PLCL1: variants seen among roughly 807,000 people sequenced by gnomAD.
The protein encoded by PLCL1 is inactive phospholipase C-like protein 1.
Under a neutral mutation model 84.4 loss-of-function variants are expected in PLCL1, and 41 were observed. The observed-to-expected ratio is 0.49, with a 90% CI of 0.38 to 0.63. The LOEUF (loss-of-function observed/expected upper bound fraction) is 0.63. Ranked by LOEUF, PLCL1 falls within the 30% of genes least tolerant of loss-of-function variation. PLCL1 has a pLI of 0.00. For synonymous variants in PLCL1, 490 were observed against 488.3 expected (o/e 1.00, Z -0.05); for missense variants, 1,206 against 1,367.8 (o/e 0.88, Z 1.87).
At chr2:197,815,062 G>A (rs1436385202) in intron 1 of PLCL1, among the ~76,000 whole-genome samples, 1 of 151,912 alleles carries the variant, frequency 6.6e-6, no homozygotes, top group Non-Finnish European at 1.5e-5. Context: ...AGAGATTATC[G>A]ATGAAGCCGG....
chr2:197,826,506 C>T (rs1014952815), intron 1 of PLCL1, among the ~76,000 whole-genome samples: 13 of 152,026 alleles, frequency 8.6e-5, no homozygotes, highest in African/African-American at 2.9e-4. Context: ...CTTAATATCT[C>T]TGTTGTGGAT....
At chr2:197,921,045 A>G (rs1287502099) in intron 1 of PLCL1, among the ~76,000 whole-genome samples, 1 of 152,240 alleles carries the variant, frequency 6.6e-6, no homozygotes, top group African/African-American at 2.4e-5. Context: ...GTAGCCTATT[A>G]CACACCTAGG....
At chr2:198,063,674 G>A (rs1298382192) in intron 1 of PLCL1, among the ~76,000 whole-genome samples, 1 of 152,142 alleles carries the variant, frequency 6.6e-6, no homozygotes, top group Admixed American at 6.5e-5. Flanking sequence ...TTACACACAT[G>A]ACTAATGACA....
chr2:198,030,174 C>T (rs1691377584), intron 1 of PLCL1, among the ~76,000 whole-genome samples: 1 of 152,026 alleles, frequency 6.6e-6, no homozygotes, highest in Non-Finnish European at 1.5e-5. Flanking sequence ...TCACCCTCCA[C>T]CCTCCAGTAG....
At chr2:197,833,390 C>G (rs1199432210) in intron 1 of PLCL1, among the ~76,000 whole-genome samples, 1 of 152,308 alleles carries the variant, frequency 6.6e-6, no homozygotes, top group Non-Finnish European at 1.5e-5. Context: ...ATCAAGTTGT[C>G]TCTGTTTGCA....
chr2:198,113,674 C>A (rs751892986), intron 5 of PLCL1, among the ~76,000 whole-genome samples: 1 of 151,520 alleles, frequency 6.6e-6, no homozygotes, highest in Non-Finnish European at 1.5e-5. Flanking sequence ...GTGTGGTTGC[C>A]AAAACAATTT....
At chr2:198,122,838 C>G (rs60169839) in intron 5 of PLCL1, among the ~76,000 whole-genome samples, 3,083 of 152,134 alleles carry the variant, frequency 0.02, 95 homozygotes, top group African/African-American at 0.071. Context: ...AGACAGTGTT[C>G]TAAGTGTTTT....
intron 1 of PLCL1, among the ~76,000 whole-genome samples, chr2:198,025,216 A>G (rs567630353): frequency 1.3e-5 from 2 of 152,266 alleles, no homozygotes; most frequent in South Asian, 4.1e-4. Context: ...AATTTTAAAA[A>G]TTAGTTTTTA....
At chr2:198,080,726 C>A (rs150519150) in intron 1 of PLCL1, among the ~76,000 whole-genome samples, 1 of 152,352 alleles carries the variant, frequency 6.6e-6, no homozygotes, top group African/African-American at 2.4e-5. Context: ...TTCACACATG[C>A]TCTGGCCAAG....
intron 1 of PLCL1, among the ~76,000 whole-genome samples, chr2:198,026,029 G>A (rs1321290463): frequency 2.6e-5 from 4 of 152,128 alleles, no homozygotes; most frequent in Non-Finnish European, 5.9e-5. Context: ...TGGCATTAAA[G>A]AGTTTTGCAA....
Position 197,804,942 on chromosome 2 carries a change from TGCC to T in PLCL1, c.-136_-134del, listed in dbSNP as rs3056066. ...GAGCGATGTCCCCTCTCCAGAAAGT[TGCC>T]GCCGCCGCCGCCGCCGCCGCCACTG... On this transcript the variant is annotated 5_prime_UTR_variant, in exon 1 of 6. Coordinates refer to ENST00000428675, the MANE Select transcript of PLCL1 (RefSeq NM_006226.4). The T allele has an allele frequency of 1.2e-3, 899 of 728,680 alleles. No homozygotes were observed. The highest frequency in any genetic ancestry group is 2.1e-3 in the South Asian group (101 of 48,656). The allele number at this position is 728,680 out of a possible 1,614,324, so 45.1% of individuals were successfully genotyped here.
chr2:197,950,631 C>T (rs1280344786), intron 1 of PLCL1, among the ~76,000 whole-genome samples: 4 of 152,014 alleles, frequency 2.6e-5, no homozygotes, highest in African/African-American at 4.8e-5. Flanking sequence ...ATGACGAAAA[C>T]GTCACAGTCA....
intron 3 of PLCL1, among the ~76,000 whole-genome samples, chr2:198,090,317 G>A (rs1035719539): frequency 1.3e-5 from 2 of 152,058 alleles, no homozygotes; most frequent in African/African-American, 4.8e-5. Flanking sequence ...ATGCCCCTAA[G>A]TTGCTAGCAG....
chr2:197,951,313 C>T (rs145671735), intron 1 of PLCL1, among the ~76,000 whole-genome samples: 9 of 152,254 alleles, frequency 5.9e-5, no homozygotes, highest in Middle Eastern at 3.4e-3. Context: ...GGGAATGACT[C>T]GAGTGTCCAG....
chr2:198,047,224 G>A (rs532010696), intron 1 of PLCL1, among the ~76,000 whole-genome samples: 14 of 151,618 alleles, frequency 9.2e-5, no homozygotes, highest in African/African-American at 2.4e-4. Context: ...TCACACTGTC[G>A]CCAGGCTGGA....
In PLCL1 at chr2:197,841,949, G is replaced by C. The variant is rs555764458; in HGVS notation, c.240+36610G>C. 2.0e-5 allele frequency among the ~76,000 whole-genome samples: 3 copies of C among 152,290 alleles called. No homozygotes were observed. In the East Asian group the frequency reaches 5.8e-4, roughly 29 times the overall value. On this transcript the variant is annotated intron_variant, in intron 1 of 5. Transcript: ENST00000428675. ...CTTAGTTTTATTGAAGACATGTAGG[G>C]AAGATCTTCCCTTCTCTATTCTTGT...
intron 1 of PLCL1, among the ~76,000 whole-genome samples, chr2:197,952,852 G>A (rs1030440126): frequency 2.6e-5 from 4 of 151,980 alleles, no homozygotes; most frequent in African/African-American, 9.7e-5. Context: ...GCCATGTAAG[G>A]TATGCCTTTC....
At chr2:197,897,928 T>C (rs956599924) in intron 1 of PLCL1, among the ~76,000 whole-genome samples, 1 of 152,250 alleles carries the variant, frequency 6.6e-6, no homozygotes, top group Non-Finnish European at 1.5e-5. Flanking sequence ...GAAATCCCAT[T>C]TGGATTCATG....
chr2:198,074,730 A>C (rs773780442), intron 1 of PLCL1, among the ~76,000 whole-genome samples: 2 of 152,224 alleles, frequency 1.3e-5, no homozygotes, highest in Non-Finnish European at 2.9e-5. Flanking sequence ...ACACAAAGAG[A>C]GGTGGGAAAT....
Sources: gnomAD v4.1 joint callset for allele counts (sites outside exome capture counted in the v4.1 genomes callset) on GRCh38, gnomAD v4.1.1 for gene constraint, MANE v1.5 for transcripts, NCBI Gene and HGNC (gene_info 2026-07-23, HGNC 2026-07-21) for gene names.